Variants in CDH18 observed in about 807,000 individuals in gnomAD.
CDH18 encodes cadherin 18, also known as cadherin-18.
CDH18 carries 31 observed loss-of-function variants against 67.9 expected under a neutral mutation model. The ratio of observed to expected loss-of-function variants is 0.46; its 90% confidence interval spans 0.34 to 0.62. The LOEUF is 0.62. Among genes scored for constraint, CDH18 ranks in the 20% least tolerant of loss-of-function variants. The pLI is 0.01. For synonymous variants in CDH18, 362 were observed against 347.2 expected (o/e 1.04, Z -0.48); for missense variants, 890 against 975.5 (o/e 0.91, Z 1.17).
chr5:20,069,937 G>A (rs797004210), intron 2 of CDH18, among the ~76,000 whole-genome samples: 69 of 152,208 alleles, frequency 4.5e-4, no homozygotes, highest in African/African-American at 1.5e-3. Context: ...CCATAGTTTA[G>A]GGTTCATTCT....
chr5:20,169,979 A>G (rs1736569322), intron 2 of CDH18, among the ~76,000 whole-genome samples: 1 of 152,002 alleles, frequency 6.6e-6, no homozygotes, highest in Non-Finnish European at 1.5e-5. Context: ...AAATAATTTT[A>G]GTGTTAAATT....
chr5:19,852,742 C>T (rs1783849378), intron 2 of CDH18, among the ~76,000 whole-genome samples: 2 of 151,976 alleles, frequency 1.3e-5, no homozygotes, highest in East Asian at 3.9e-4. Context: ...TTTACGAAAA[C>T]CCATACTCTA....
chr5:19,764,310 A>G (rs1772782551), intron 3 of CDH18, among the ~76,000 whole-genome samples: 1 of 152,098 alleles, frequency 6.6e-6, no homozygotes, highest in Non-Finnish European at 1.5e-5. Context: ...ATGAATGATT[A>G]TTAAAATAAT....
At chr5:20,242,490 G>C (rs1040049958) in intron 2 of CDH18, among the ~76,000 whole-genome samples, 1 of 149,680 alleles carries the variant, frequency 6.7e-6, no homozygotes, top group African/African-American at 2.5e-5. Flanking sequence ...CCTGTCCCTG[G>C]CTTATTTCTG....
chr5:20,393,106 A>G (rs1745004988), intron 1 of CDH18, among the ~76,000 whole-genome samples: 1 of 151,926 alleles, frequency 6.6e-6, no homozygotes, highest in Non-Finnish European at 1.5e-5. Flanking sequence ...ACGGTATATG[A>G]GGTGGCATAG....
At chr5:19,882,361 T>C (rs538115355) in intron 2 of CDH18, among the ~76,000 whole-genome samples, 76 of 152,252 alleles carry the variant, frequency 5.0e-4, no homozygotes, top group Non-Finnish European at 9.4e-4. Context: ...ATTTTTATTA[T>C]AAAATGCAAG....
intron 7 of CDH18, among the ~76,000 whole-genome samples, chr5:19,577,619 T>C (rs1293651209): frequency 6.6e-6 from 1 of 152,094 alleles, no homozygotes; most frequent in African/African-American, 2.4e-5. Flanking sequence ...AGATTTAGAT[T>C]GAGATGATGA....
chr5:19,950,377 G>T (rs1795675875), intron 2 of CDH18, among the ~76,000 whole-genome samples: 1 of 152,034 alleles, frequency 6.6e-6, no homozygotes, highest in Non-Finnish European at 1.5e-5. Context: ...AGGGGAAAAG[G>T]TGGGAGTGGG....
At chr5:20,184,454 G>A (rs865811378) in intron 2 of CDH18, among the ~76,000 whole-genome samples, 2 of 151,920 alleles carry the variant, frequency 1.3e-5, no homozygotes, top group Admixed American at 6.6e-5. Flanking sequence ...AAAAGAAAAC[G>A]ATGACTCTTT....
At chr5:19,763,177 A>G (rs2149711124) in intron 3 of CDH18, among the ~76,000 whole-genome samples, 1 of 152,306 alleles carries the variant, frequency 6.6e-6, no homozygotes, top group African/African-American at 2.4e-5. Flanking sequence ...CAGCAAACCA[A>G]CATGGCACAT....
At chr5:19,777,955 T>C (rs1332757327) in intron 3 of CDH18, among the ~76,000 whole-genome samples, 1 of 152,122 alleles carries the variant, frequency 6.6e-6, no homozygotes, top group Non-Finnish European at 1.5e-5. Flanking sequence ...GAGAATAATA[T>C]GAATAGCTTT....
rs114916062 is a variant in CDH18, at chr5:20,150,740, T to G, written c.-518+104704A>C. Among the ~76,000 whole-genome samples, 876 of 152,138 alleles carry G rather than the reference T, an allele frequency of 5.8e-3. 8 individuals carry two copies. The highest frequency in any genetic ancestry group is 0.02 in the African/African-American group (840 of 41,550). ...ATCTACCATAGATAGATCCATTATG[T>G]TTTTCTATGGAGACTCTTAACTACA... On this transcript the variant is annotated intron_variant, in intron 2 of 14. Coordinates refer to the CDH18 transcript ENST00000507958.
chr5:19,557,615 C>G (rs1376043768), intron 8 of CDH18, among the ~76,000 whole-genome samples: 3 of 152,020 alleles, frequency 2.0e-5, no homozygotes, highest in Non-Finnish European at 2.9e-5. Flanking sequence ...GCACCTAACA[C>G]TGCAGATCCC....
chr5:19,933,314 T>C (rs772196646), intron 2 of CDH18, among the ~76,000 whole-genome samples: 1 of 151,608 alleles, frequency 6.6e-6, no homozygotes, highest in East Asian at 1.9e-4. Flanking sequence ...ATATCTGTGC[T>C]CTTGTGCAAT....
intron 1 of CDH18, among the ~76,000 whole-genome samples, chr5:20,460,583 T>C (rs1751193574): frequency 6.6e-6 from 1 of 151,018 alleles, no homozygotes; most frequent in African/African-American, 2.5e-5. Context: ...AAAAATAATA[T>C]ATATTTGCTT....
At chr5:19,874,811 C>T (rs554978980) in intron 2 of CDH18, among the ~76,000 whole-genome samples, 1 of 152,264 alleles carries the variant, frequency 6.6e-6, no homozygotes, top group South Asian at 2.1e-4. Flanking sequence ...GTAAATGGAA[C>T]ATTAAGTGCT....
chr5:19,538,212 C>G (rs1337935294), intron 9 of CDH18, among the ~76,000 whole-genome samples: 2 of 152,160 alleles, frequency 1.3e-5, no homozygotes, highest in Admixed American at 1.3e-4. Context: ...CTCATCCCAG[C>G]TGGCACATGA....
At chr5:19,940,689 C>T (rs555848765) in intron 2 of CDH18, among the ~76,000 whole-genome samples, 1 of 151,844 alleles carries the variant, frequency 6.6e-6, no homozygotes. Flanking sequence ...TTTCATGGTT[C>T]CTGTCAATGT....
chr5:19,914,337 C>T (rs776666343), intron 2 of CDH18, among the ~76,000 whole-genome samples: 6 of 151,904 alleles, frequency 3.9e-5, no homozygotes, highest in Admixed American at 1.3e-4. Context: ...ATATACTCTC[C>T]CCAGAGCCTT....
Sources: allele counts gnomAD v4.1 joint callset (sites outside exome capture counted in the v4.1 genomes callset), GRCh38; gene constraint gnomAD v4.1.1; transcripts MANE v1.5; gene names NCBI Gene and HGNC (gene_info 2026-07-23, HGNC 2026-07-21).